The following FHIT variants were observed in gnomAD, a reference collection of about 807,000 sequenced individuals.
The protein encoded by FHIT is fragile histidine triad diadenosine triphosphatase.
A neutral mutation model predicts 17.9 loss-of-function variants in FHIT; 19 were observed. The observed-to-expected ratio is 1.06, with a 90% CI of 0.74 to 1.56. The LOEUF (loss-of-function observed/expected upper bound fraction) is 1.56. Among genes scored for constraint, FHIT ranks in the 40% most tolerant of loss-of-function variants. FHIT has a pLI of 0.00. For missense variants in FHIT, 248 were observed against 189.2 expected (o/e 1.31, Z -1.82); for synonymous variants, 81 against 69.7 (o/e 1.16, Z -0.81).
rs529325099 is a variant in FHIT at position 60,795,220 on chromosome 3, T to C, written c.-18+26699A>G. 3.5e-4 allele frequency among the ~76,000 whole-genome samples: 54 copies of C among 152,318 alleles called. 1 individual carries two copies. In the South Asian group the frequency reaches 0.011, roughly 30 times the overall value. ...CCATTATGCAGATATAAAATTAATT[T>C]TACCAGTTTTCATTTTTAAATAGAA... On this transcript the variant is annotated intron_variant, in intron 4 of 9. Transcript: ENST00000492590.
chr3:61,210,384 T>G (rs1210948014), intron 1 of FHIT, among the ~76,000 whole-genome samples: 1 of 152,234 alleles, frequency 6.6e-6, no homozygotes, highest in Non-Finnish European at 1.5e-5. Context: ...CTTTTGTTTG[T>G]CTGTGCCCGG....
At position 61,151,254 on chromosome 3, in the gene FHIT, G is replaced by C. The variant is rs555942165; in HGVS notation, c.-164+49363C>G. 7.9e-5 allele frequency among the ~76,000 whole-genome samples: 12 copies of C among 152,276 alleles called. No individual in the cohort carries two copies. The East Asian group carries it at 2.1e-3, about 27-fold the overall frequency. ...AACATAAGACATGATTTCAAGATGA[G>C]AGGTATTCTTCCTGTGATTCTTCAA... is the stretch of plus-strand genomic sequence containing the variant. On this transcript the variant is annotated intron_variant, in intron 2 of 9. Coordinates refer to ENST00000492590, the MANE Select transcript of FHIT (RefSeq NM_002012.4).
At chr3:60,817,401 T>C (rs1701779524) in intron 4 of FHIT, among the ~76,000 whole-genome samples, 1 of 152,072 alleles carries the variant, frequency 6.6e-6, no homozygotes, top group African/African-American at 2.4e-5. Context: ...AGCATTTCTG[T>C]GGGGCAGGTC....
intron 2 of FHIT, among the ~76,000 whole-genome samples, chr3:61,173,471 C>T (rs1376926805): frequency 1.3e-5 from 2 of 152,056 alleles, no homozygotes; most frequent in Admixed American, 6.6e-5. Flanking sequence ...AGAATGCTTT[C>T]GATGTCTTTG....
At chr3:60,715,610 G>A (rs1241114484) in intron 4 of FHIT, among the ~76,000 whole-genome samples, 1 of 134,158 alleles carries the variant, frequency 7.5e-6, no homozygotes, top group Non-Finnish European at 1.6e-5. Flanking sequence ...ATCACACTCT[G>A]GGGACTGTTG....
intron 5 of FHIT, among the ~76,000 whole-genome samples, chr3:60,043,071 G>C (rs1400846142): frequency 6.6e-6 from 1 of 152,144 alleles, no homozygotes; most frequent in African/African-American, 2.4e-5. Flanking sequence ...GGGGAAAGTG[G>C]ACTGGCTAGA....
intron 7 of FHIT, among the ~76,000 whole-genome samples, chr3:60,002,357 AT>A (rs1435967224): frequency 4.6e-5 from 7 of 151,998 alleles, no homozygotes; most frequent in African/African-American, 1.7e-4. Context: ...GATTAATCTG[AT>A]GGAGAAGGCT....
intron 3 of FHIT, among the ~76,000 whole-genome samples, chr3:60,851,647 C>A (rs1156300584): frequency 6.6e-6 from 1 of 152,084 alleles, no homozygotes; most frequent in East Asian, 1.9e-4. Context: ...TCATTTATGT[C>A]ATAAAGTCTT....
intron 5 of FHIT, among the ~76,000 whole-genome samples, chr3:60,397,896 C>A (rs1701513610): frequency 6.6e-6 from 1 of 152,074 alleles, no homozygotes; most frequent in South Asian, 2.1e-4. Context: ...AGCGTCTTTG[C>A]TTTAACCTTT....
At chr3:61,084,554 C>T (rs998871173) in intron 2 of FHIT, among the ~76,000 whole-genome samples, 4 of 152,086 alleles carry the variant, frequency 2.6e-5, no homozygotes, top group Non-Finnish European at 5.9e-5. Flanking sequence ...TAATTTCTTT[C>T]AGTAATATTC....
Position 61,249,933 on chromosome 3 carries a change from AACACACACACACACACACACACACACAC to A in FHIT, c.-213+1340_-213+1367del, listed in dbSNP as rs71100943. ...TAGAACAGCATATGCAATCAATAAC[AACACACACACACACACACACACACACAC>A]ACACACACACACACACACACACACA... On this transcript the variant is annotated intron_variant, in intron 1 of 9. Transcript: ENST00000492590. Among the ~76,000 whole-genome samples, 8 of 126,048 alleles carry A rather than the reference AACACACACACACACACACACACACACAC, an allele frequency of 6.3e-5. 1 individual carries two copies. The highest frequency in any genetic ancestry group is 2.9e-4 in the South Asian group (1 of 3,404). The allele number at this position is 126,048 out of a possible 152,430, so 82.7% of individuals were successfully genotyped here.
intron 3 of FHIT, among the ~76,000 whole-genome samples, chr3:60,893,207 C>A (rs1300452239): frequency 1.3e-5 from 2 of 152,096 alleles, no homozygotes; most frequent in Non-Finnish European, 1.5e-5. Context: ...ACTCCAGGAA[C>A]CAGCCTTGGT....
intron 2 of FHIT, among the ~76,000 whole-genome samples, chr3:61,176,061 G>A (rs1339874608): frequency 6.6e-6 from 1 of 152,220 alleles, no homozygotes; most frequent in Non-Finnish European, 1.5e-5. Flanking sequence ...CAACAAAGTG[G>A]CAATAAGTAA....
chr3:60,198,090 G>A (rs913509846), intron 5 of FHIT, among the ~76,000 whole-genome samples: 1 of 151,386 alleles, frequency 6.6e-6, no homozygotes, highest in Non-Finnish European at 1.5e-5. Context: ...CTGGGATTGA[G>A]GAACGTTTGG....
At chr3:59,974,736 G>GA (rs1201032687) in intron 7 of FHIT, among the ~76,000 whole-genome samples, 1 of 152,098 alleles carries the variant, frequency 6.6e-6, no homozygotes, top group Admixed American at 6.6e-5. Flanking sequence ...ACTATAAGCT[G>GA]AAAGTGCCTT....
chr3:60,689,784 T>C (rs1553699172), intron 4 of FHIT, among the ~76,000 whole-genome samples: 1 of 152,228 alleles, frequency 6.6e-6, no homozygotes, highest in Non-Finnish European at 1.5e-5. Flanking sequence ...CTTGTAAATA[T>C]GATCCTGGGT....
chr3:60,474,853 C>T (rs777416255), intron 5 of FHIT, among the ~76,000 whole-genome samples: 1 of 152,076 alleles, frequency 6.6e-6, no homozygotes, highest in African/African-American at 2.4e-5. Context: ...AAACTCCTGA[C>T]CTAACCTGAT....
chr3:60,130,350 C>A (rs1278527779), intron 5 of FHIT, among the ~76,000 whole-genome samples: 1 of 152,184 alleles, frequency 6.6e-6, no homozygotes, highest in Non-Finnish European at 1.5e-5. Context: ...TGGCAGGCCT[C>A]AGGCTAACGG....
chr3:60,215,866 T>A (rs942576838), intron 5 of FHIT, among the ~76,000 whole-genome samples: 11 of 152,172 alleles, frequency 7.2e-5, no homozygotes, highest in South Asian at 2.1e-4. Context: ...TTAAAGACTT[T>A]ACACTTAAGA....
Sources: allele counts gnomAD v4.1 joint callset (sites outside exome capture counted in the v4.1 genomes callset), GRCh38; gene constraint gnomAD v4.1.1; transcripts MANE v1.5; gene names NCBI Gene and HGNC (gene_info 2026-07-23, HGNC 2026-07-21).